PRKN: variants seen among roughly 807,000 people sequenced by gnomAD.
PRKN encodes parkin RBR E3 ubiquitin protein ligase, also known as E3 ubiquitin-protein ligase parkin.
A neutral mutation model predicts 59.5 loss-of-function variants in PRKN; 56 were observed. The ratio of observed to expected loss-of-function variants is 0.94; its 90% CI spans 0.76 to 1.18. The LOEUF is 1.18. Among genes scored for constraint, PRKN ranks in the 50% most tolerant of loss-of-function variants. PRKN has a pLI of 0.00. For synonymous variants in PRKN, 250 were observed against 222.1 expected (o/e 1.13, Z -1.12); for missense variants, 657 against 596.4 (o/e 1.10, Z -1.06).
At chr6:161,958,640 A>G (rs1780270259) in intron 6 of PRKN, among the ~76,000 whole-genome samples, 1 of 151,878 alleles carries the variant, frequency 6.6e-6, no homozygotes, top group Non-Finnish European at 1.5e-5. Context: ...GCAATTTGGG[A>G]GGCCAAGACA....
At chr6:162,367,444 T>C (rs1025938097) in intron 2 of PRKN, among the ~76,000 whole-genome samples, 3 of 152,198 alleles carry the variant, frequency 2.0e-5, no homozygotes, top group Non-Finnish European at 4.4e-5. Flanking sequence ...TGTATTGTAA[T>C]TTGTATGAGT....
At chr6:162,248,750 G>A (rs1779305002) in intron 3 of PRKN, among the ~76,000 whole-genome samples, 1 of 151,996 alleles carries the variant, frequency 6.6e-6, no homozygotes, top group African/African-American at 2.4e-5. Context: ...ATGAACTGAT[G>A]AGTTAAATTA....
intron 7 of PRKN, among the ~76,000 whole-genome samples, chr6:161,751,886 G>A (rs996636082): frequency 1.3e-5 from 2 of 152,236 alleles, no homozygotes; most frequent in Non-Finnish European, 2.9e-5. Context: ...GCAGGTGAAG[G>A]AGAAGGGGCA....
At chr6:162,519,380 C>G (rs1348913049) in intron 1 of PRKN, among the ~76,000 whole-genome samples, 1 of 152,148 alleles carries the variant, frequency 6.6e-6, no homozygotes, top group Non-Finnish European at 1.5e-5. Context: ...ATTCAGGGCT[C>G]TGGGCCAGTT....
chr6:161,850,446 C>T (rs1023712560), intron 6 of PRKN, among the ~76,000 whole-genome samples: 3 of 151,794 alleles, frequency 2.0e-5, no homozygotes, highest in Admixed American at 1.3e-4. Context: ...GGTGTGGTGG[C>T]GCGGCTGTAG....
At chr6:161,665,604 T>C (rs1784697855) in intron 7 of PRKN, among the ~76,000 whole-genome samples, 1 of 152,312 alleles carries the variant, frequency 6.6e-6, no homozygotes, top group South Asian at 2.1e-4. Context: ...CATCTTCTAA[T>C]AGGTCACCCA....
At chr6:162,497,427 T>C (rs965771692) in intron 1 of PRKN, among the ~76,000 whole-genome samples, 2 of 152,252 alleles carry the variant, frequency 1.3e-5, no homozygotes, top group African/African-American at 4.8e-5. Context: ...CAAATTGTGA[T>C]TGTCAAAATG....
intron 1 of PRKN, among the ~76,000 whole-genome samples, chr6:162,502,174 T>A (rs1793406873): frequency 6.6e-6 from 1 of 152,114 alleles, no homozygotes; most frequent in Non-Finnish European, 1.5e-5. Flanking sequence ...CACGCCCCTC[T>A]TTTTTGAGAC....
At chr6:162,136,633 A>T (rs1298802188) in intron 4 of PRKN, among the ~76,000 whole-genome samples, 1 of 152,178 alleles carries the variant, frequency 6.6e-6, no homozygotes, top group African/African-American at 2.4e-5. Context: ...AGAAAATGAC[A>T]TGGGATGATA....
chr6:161,729,346 C>A (rs1410773682), intron 7 of PRKN, among the ~76,000 whole-genome samples: 2 of 152,054 alleles, frequency 1.3e-5, no homozygotes, highest in East Asian at 3.9e-4. Flanking sequence ...TTAAGAAATT[C>A]TTTGGATGGA....
In PRKN at chr6:161,588,249, T is replaced by C. The variant is rs541021413; in HGVS notation, c.872-18833A>G. On this transcript the variant is annotated intron_variant, in intron 7 of 11. Transcript: ENST00000366898. This position sits in a 1 kb window ranked among gnomAD's most constrained non-coding sequence, Gnocchi z 5.0. The stretch of plus-strand genomic sequence containing the variant: ...AAATGCAAAAATCAGCCAGGCGTGG[T>C]GGCTCATGCCTATAATCCCAGCTAC... 4.0e-4 allele frequency among the ~76,000 whole-genome samples: 61 copies of C among 152,146 alleles called. No individual in the cohort carries two copies. The highest frequency in any genetic ancestry group is 1.2e-3 in the African/African-American group (49 of 41,532).
At chr6:162,554,140 T>A (rs765778527) in intron 1 of PRKN, among the ~76,000 whole-genome samples, 7 of 152,184 alleles carry the variant, frequency 4.6e-5, no homozygotes, top group Admixed American at 6.5e-5. Flanking sequence ...TCACTGAAGA[T>A]GAGCAGATCA....
chr6:162,208,399 A>T (rs1177713462), intron 3 of PRKN, among the ~76,000 whole-genome samples: 1 of 152,234 alleles, frequency 6.6e-6, no homozygotes. Context: ...CTTAAAAGTT[A>T]TAACTTAATT....
intron 7 of PRKN, among the ~76,000 whole-genome samples, chr6:161,643,363 C>T (rs1259414097): frequency 1.3e-5 from 2 of 152,164 alleles, no homozygotes; most frequent in Non-Finnish European, 2.9e-5. Context: ...ATGCTATGGA[C>T]ATCACTAGGG....
chr6:162,095,106 C>A (rs1239103758), intron 4 of PRKN, among the ~76,000 whole-genome samples: 1 of 152,146 alleles, frequency 6.6e-6, no homozygotes, highest in African/African-American at 2.4e-5. Flanking sequence ...TCTACTGGGT[C>A]TTCAGGGGAA....
intron 6 of PRKN, among the ~76,000 whole-genome samples, chr6:161,868,021 A>T (rs2128226057): frequency 6.6e-6 from 1 of 151,596 alleles, no homozygotes; most frequent in East Asian, 2.0e-4. Context: ...TCGGCCTCCC[A>T]AAGTGCTGGG....
At chr6:161,587,919 T>C (rs1030263453) in intron 7 of PRKN, among the ~76,000 whole-genome samples, 1 of 152,202 alleles carries the variant, frequency 6.6e-6, no homozygotes. Context: ...CTGTTGAGAA[T>C]TAAAGACTGG....
At chr6:161,858,731 G>A (rs13205685) in intron 6 of PRKN, among the ~76,000 whole-genome samples, 42,036 of 151,762 alleles carry the variant, frequency 0.28, 6,527 homozygotes, top group South Asian at 0.39. Flanking sequence ...CCCCACAGAG[G>A]AGGAGGAACC....
At chr6:162,432,328 C>T (rs1272395280) in intron 2 of PRKN, among the ~76,000 whole-genome samples, 1 of 152,106 alleles carries the variant, frequency 6.6e-6, no homozygotes. Flanking sequence ...GAGTTCAAAA[C>T]CATCCTGGCC....
Sources: gnomAD v4.1 joint callset for allele counts (sites outside exome capture counted in the v4.1 genomes callset) on GRCh38, gnomAD v4.1.1 for gene constraint, Gnocchi (gnomAD v3.1) non-coding constraint, MANE v1.5 for transcripts, NCBI Gene and HGNC (gene_info 2026-07-23, HGNC 2026-07-21) for gene names.